EGFLAM: variants seen among roughly 807,000 people sequenced by gnomAD.
EGFLAM encodes the protein EGF like, fibronectin type III and laminin G domains, also known as pikachurin.
A neutral mutation model predicts 113.1 loss-of-function variants in EGFLAM; 79 were observed. The ratio of observed to expected loss-of-function variants is 0.70; its 90% CI spans 0.58 to 0.84. The LOEUF (loss-of-function observed/expected upper bound fraction) is 0.84, where lower values mean the gene tolerates loss of function less well. EGFLAM is among the 40% of genes least tolerant of loss of function. EGFLAM has a pLI of 0.00. For missense variants in EGFLAM, 1,265 were observed against 1,291.6 expected (o/e 0.98, Z 0.32); for synonymous variants, 504 against 487.6 (o/e 1.03, Z -0.44).
chr5:38,304,456 A>G (rs570411419), intron 1 of EGFLAM, among the ~76,000 whole-genome samples: 2 of 152,358 alleles, frequency 1.3e-5, no homozygotes, highest in Non-Finnish European at 2.9e-5. Context: ...GTATATATAC[A>G]TGGGATGCGG....
intron 6 of EGFLAM, among the ~76,000 whole-genome samples, chr5:38,386,080 C>T (rs1437488402): frequency 1.3e-5 from 2 of 152,172 alleles, no homozygotes; most frequent in African/African-American, 2.4e-5. Flanking sequence ...TCTTACGGGC[C>T]TACCATTGTA....
chr5:38,377,575 C>A (rs1318370035), intron 6 of EGFLAM, among the ~76,000 whole-genome samples: 1 of 152,216 alleles, frequency 6.6e-6, no homozygotes, highest in Non-Finnish European at 1.5e-5. Flanking sequence ...TAACTCCCTA[C>A]TGCTACTGTA....
chr5:38,335,706 G>T (rs1248809480), intron 1 of EGFLAM, among the ~76,000 whole-genome samples: 4 of 152,154 alleles, frequency 2.6e-5, no homozygotes, highest in African/African-American at 4.8e-5. Flanking sequence ...GCAGAGGGGA[G>T]CTGACTTTTG....
chr5:38,451,855 G>A (rs1419233461), intron 19 of EGFLAM, among the ~76,000 whole-genome samples: 1 of 151,930 alleles, frequency 6.6e-6, no homozygotes, highest in Non-Finnish European at 1.5e-5. Flanking sequence ...AGCCGGGTGT[G>A]GTGGCAGGCA....
chr5:38,307,872 G>A lies in EGFLAM; in HGVS notation c.98-29648G>A, dbSNP rs151334138. On this transcript the variant is annotated intron_variant, in intron 1 of 21. Transcript: ENST00000322350. ...GACCCCAGAGTTACAGTGACCTGTGGCCTTGCTGCCCAGTCCAGCCTGAGG... is the reference window on the plus strand; with the variant it reads ...GACCCCAGAGTTACAGTGACCTGTGACCTTGCTGCCCAGTCCAGCCTGAGG... Among the ~76,000 whole-genome samples the A allele has an allele frequency of 1.1e-3, 167 of 152,276 alleles. 1 individual carries two copies. Among genetic ancestry groups the A allele is most frequent in the African/African-American group, 3.7e-3 (153 of 41,560 alleles).
intron 17 of EGFLAM, among the ~76,000 whole-genome samples, chr5:38,448,066 G>GC (rs1365029679): frequency 6.6e-6 from 1 of 152,182 alleles, no homozygotes; most frequent in Admixed American, 6.5e-5. Flanking sequence ...CAGCGCTGAG[G>GC]CCAGAGGCAG....
intron 6 of EGFLAM, among the ~76,000 whole-genome samples, chr5:38,398,776 C>T (rs1330736513): frequency 6.6e-6 from 1 of 152,204 alleles, no homozygotes; most frequent in Non-Finnish European, 1.5e-5. Flanking sequence ...TCTGACCTGA[C>T]ATTATTCCGT....
In EGFLAM at chr5:38,406,885, A is replaced by C. The variant is rs1741303580; in HGVS notation, c.886A>C (p.Lys296Gln). The C allele has an allele frequency of 5.0e-6, 8 of 1,614,094 alleles. No individual in the cohort carries two copies. In the East Asian group the frequency reaches 1.8e-4, roughly 36 times the overall value. The change falls in exon 8 of 22, where the codon AAG becomes CAG. Residue 296 changes from lysine (K) to glutamine (Q), a missense_variant. By Grantham distance (53) the Lys-to-Gln change is moderately conservative. Coordinates refer to ENST00000322350, the MANE Select transcript of EGFLAM (RefSeq NM_152403.4). ...TAAGAAATTTTTGGTGGAAAGCAAG[A>C]AGATGTCTATATCTAACCCAAAGAC... is the stretch of plus-strand genomic sequence containing the variant. ...GNKKFLVESKKMSISNPKTIS... is the reference protein window; with the variant it reads ...GNKKFLVESKQMSISNPKTIS...
intron 10 of EGFLAM, among the ~76,000 whole-genome samples, chr5:38,412,174 G>A (rs1437112033): frequency 6.6e-6 from 1 of 151,800 alleles, no homozygotes; most frequent in African/African-American, 2.4e-5. Flanking sequence ...ATGATGCTGA[G>A]GCTTGGGGTA....
intron 20 of EGFLAM, among the ~76,000 whole-genome samples, chr5:38,459,600 G>T (rs182548220): frequency 2.8e-4 from 42 of 152,320 alleles, no homozygotes; most frequent in Admixed American, 4.6e-4. Flanking sequence ...TCTGGTTGGG[G>T]TTCCCTGAGA....
chr5:38,339,777 C>T (rs1265097892), intron 3 of EGFLAM, among the ~76,000 whole-genome samples: 1 of 152,208 alleles, frequency 6.6e-6, no homozygotes, highest in African/African-American at 2.4e-5. Context: ...TACCAAAGCT[C>T]TCATGACTCA....
At chr5:38,285,547 C>T (rs1758139091) in intron 1 of EGFLAM, 1 of 152,222 alleles carries the variant, frequency 6.6e-6, no homozygotes, top group African/African-American at 2.4e-5. Flanking sequence ...CCTTCAGGGT[C>T]AGTGTCGTAT....
In EGFLAM at chr5:38,464,015, G is replaced by C; in HGVS notation, c.*29G>C. The C allele has an allele frequency of 6.2e-7, 1 of 1,613,904 alleles. No individual in the cohort carries two copies. Among genetic ancestry groups the C allele is most frequent in the Non-Finnish European group, 8.5e-7 (1 of 1,179,904 alleles). ...CAGCTGGCCTTGTCCAAGGGACAGA[G>C]CCTTCTATTCTGAGAATCCCAGGGG... On this transcript the variant is annotated 3_prime_UTR_variant, in exon 22 of 22. Coordinates refer to ENST00000322350, the MANE Select transcript of EGFLAM (RefSeq NM_152403.4).
At chr5:38,383,201 A>C (rs995251106) in intron 6 of EGFLAM, among the ~76,000 whole-genome samples, 1 of 152,220 alleles carries the variant, frequency 6.6e-6, no homozygotes, top group African/African-American at 2.4e-5. Context: ...GGTGCAACCA[A>C]ACGTCCACAA....
At chr5:38,450,569 C>T (rs1742880730) in intron 18 of EGFLAM, among the ~76,000 whole-genome samples, 1 of 103,292 alleles carries the variant, frequency 9.7e-6, no homozygotes, top group South Asian at 2.5e-4. Context: ...ACCCTTGATT[C>T]AAGGACCTCA....
chr5:38,322,894 GAACA>G (rs1448980214), intron 1 of EGFLAM, among the ~76,000 whole-genome samples: 1 of 152,198 alleles, frequency 6.6e-6, no homozygotes, highest in Non-Finnish European at 1.5e-5. Context: ...CAGGTAACTA[GAACA>G]AACACTGTTC....
chr5:38,258,736 T>C lies in EGFLAM; in HGVS notation c.-19T>C, dbSNP rs760938517. ...GTGCGCCCGGGACTTGGTGAAACTT[T>C]GCAGGCGCCGGCTGCGAAATGGATT... On this transcript the variant is annotated 5_prime_UTR_variant, in exon 1 of 22. Coordinates refer to ENST00000322350, the MANE Select transcript of EGFLAM (RefSeq NM_152403.4). 1.1e-5 allele frequency: 17 copies of C among 1,598,526 alleles called. No individual in the cohort carries two copies. The highest frequency in any genetic ancestry group is 3.3e-4 in the Middle Eastern group (2 of 6,032).
chr5:38,425,505 A>G lies in EGFLAM; in HGVS notation c.1810+413A>G, dbSNP rs1025676269. Among the ~76,000 whole-genome samples the G allele has an allele frequency of 3.9e-5, 6 of 152,132 alleles. No homozygotes were observed. The South Asian group carries it at 1.0e-3, about 26-fold the overall frequency. On this transcript the variant is annotated intron_variant, in intron 13 of 21. Transcript: ENST00000322350. The stretch of plus-strand genomic sequence containing the variant: ...TTTAACAAATCTAACAAAGCCCCAT[A>G]CATTTTTATGGGATCAACATTGCTT...
At chr5:38,267,553 C>T (rs1429069645) in intron 1 of EGFLAM, among the ~76,000 whole-genome samples, 1 of 152,092 alleles carries the variant, frequency 6.6e-6, no homozygotes, top group Non-Finnish European at 1.5e-5. Flanking sequence ...GTTATATTGT[C>T]TGTAATTTAT....
Sources: allele counts gnomAD v4.1 joint callset (sites outside exome capture counted in the v4.1 genomes callset), GRCh38; gene constraint gnomAD v4.1.1; transcripts MANE v1.5; gene names NCBI Gene and HGNC (gene_info 2026-07-23, HGNC 2026-07-21).